Variants in MEGF11 observed in about 807,000 individuals in gnomAD.
The protein encoded by MEGF11 is multiple epidermal growth factor-like domains protein 11.
Under a neutral mutation model 146.6 loss-of-function variants are expected in MEGF11, and 126 were observed. The ratio of observed to expected loss-of-function variants is 0.86; its 90% confidence interval spans 0.74 to 1.00. The LOEUF (loss-of-function observed/expected upper bound fraction) is 1.00, where lower values mean the gene tolerates loss of function less well. MEGF11 is among the 50% of genes least tolerant of loss of function. The pLI, the probability that MEGF11 is intolerant of heterozygous loss-of-function variation, is 0.00. For synonymous variants in MEGF11, 532 were observed against 583.4 expected, an observed-to-expected ratio of 0.91 and a Z score of 1.27; for missense variants, 1,509 against 1,521.2, an observed-to-expected ratio of 0.99 and a Z score of 0.13.
At chr15:66,163,923 G>C (rs1326177716) in intron 1 of MEGF11, among the ~76,000 whole-genome samples, 1 of 152,170 alleles carries the variant, frequency 6.6e-6, no homozygotes, top group Non-Finnish European at 1.5e-5. Flanking sequence ...TGTGGGTGGA[G>C]GGCAAGAGAG....
In MEGF11 at chr15:66,045,946, T is replaced by C. The variant is rs1368686795; in HGVS notation, c.394+48456A>G. Among the ~76,000 whole-genome samples the C allele has an allele frequency of 2.0e-5, 3 of 152,056 alleles. No individual in the cohort carries two copies. The East Asian group carries it at 5.8e-4, about 30-fold the overall frequency. On this transcript the variant is annotated intron_variant, in intron 5 of 25. Transcript: ENST00000395614. The stretch of plus-strand genomic sequence containing the variant: ...GGTGAAATCCTGTCTCTACTAAAAA[T>C]ACAAAAATTAGCATGGTGTGGTGGT...
chr15:66,222,786 G>A (rs1194924559), intron 1 of MEGF11, among the ~76,000 whole-genome samples: 2 of 152,198 alleles, frequency 1.3e-5, no homozygotes, highest in Non-Finnish European at 2.9e-5. Flanking sequence ...ACCACTTTGA[G>A]ATAACTTCTT....
intron 1 of MEGF11, among the ~76,000 whole-genome samples, chr15:66,231,223 C>T (rs1189667956): frequency 2.0e-5 from 3 of 152,018 alleles, no homozygotes; most frequent in Admixed American, 2.0e-4. Context: ...ACTTCACACC[C>T]CAACCCCCAC....
intron 5 of MEGF11, among the ~76,000 whole-genome samples, chr15:66,080,543 C>A (rs2085804505): frequency 6.6e-6 from 1 of 152,210 alleles, no homozygotes; most frequent in Non-Finnish European, 1.5e-5. Context: ...CTATGCTCTC[C>A]TCATCTCTGA....
At chr15:66,219,325 T>C (rs1487407964) in intron 1 of MEGF11, among the ~76,000 whole-genome samples, 1 of 152,190 alleles carries the variant, frequency 6.6e-6, no homozygotes, top group African/African-American at 2.4e-5. Flanking sequence ...AAAGGACTTA[T>C]ATCCAGCTGC....
chr15:65,964,853 C>T (rs1224262361), intron 9 of MEGF11, 55 bp downstream of exon 9: 5 of 1,479,178 alleles, frequency 3.4e-6, no homozygotes, highest in East Asian at 2.5e-5. Context: ...CAAGCCTCCT[C>T]TCTACCTGAG....
chr15:66,148,697 C>T (rs2089458847), intron 1 of MEGF11, among the ~76,000 whole-genome samples: 1 of 152,220 alleles, frequency 6.6e-6, no homozygotes, highest in Non-Finnish European at 1.5e-5. Flanking sequence ...AGTCTCTCCA[C>T]ATCTGTCCTG....
chr15:66,073,562 A>T (rs2085456339), intron 5 of MEGF11, among the ~76,000 whole-genome samples: 1 of 152,150 alleles, frequency 6.6e-6, no homozygotes. Flanking sequence ...CCTTTCCAGG[A>T]TCTAACAGAT....
chr15:65,938,595 T>TG, intron 10 of MEGF11, among the ~76,000 whole-genome samples: 1 of 152,186 alleles, frequency 6.6e-6, no homozygotes, highest in East Asian at 1.9e-4. Flanking sequence ...ATGCTTCTGC[T>TG]GGGGATGCCT....
In MEGF11 at chr15:65,982,085, C is replaced by G. The variant is rs1459047805; in HGVS notation, c.641+157G>C. ...CCTCCTGGTCCCACCACCCAGCCCACCCACAAGGAGCCCAGGGCTGGGCGT... is the reference window on the plus strand; with the variant it reads ...CCTCCTGGTCCCACCACCCAGCCCAGCCACAAGGAGCCCAGGGCTGGGCGT... On this transcript the variant is annotated intron_variant, in intron 6 of 25. Transcript: ENST00000395614. This position sits in a 1 kb window ranked among gnomAD's most constrained non-coding sequence, Gnocchi z 5.6. Among the ~76,000 whole-genome samples the G allele has an allele frequency of 1.3e-5, 2 of 152,006 alleles. No homozygotes were observed. Among genetic ancestry groups the G allele is most frequent in the African/African-American group, 4.8e-5 (2 of 41,392 alleles).
rs779674680 is a variant in MEGF11 at position 65,930,864 on chromosome 15, C to G, written c.1367G>C (p.Gly456Ala). 2.5e-6 allele frequency: 4 copies of G among 1,611,290 alleles called. No individual in the cohort carries two copies. The highest frequency in any genetic ancestry group is 3.4e-6 in the Non-Finnish European group (4 of 1,178,698). Reference protein sequence around the residue: ...CSSICSCNNGGTCSPVDGSCT... With the variant: ...CSSICSCNNGATCSPVDGSCT... ...GGAGCCATCTACTGGGGAGCAGGTGCCACCATTGTTACAGCTACAGATGGA... is the reference window on the plus strand; with the variant it reads ...GGAGCCATCTACTGGGGAGCAGGTGGCACCATTGTTACAGCTACAGATGGA... Residue 456 changes from glycine (G) to alanine (A), a missense_variant, in exon 11 of 26, where the codon GGC becomes GCC. Transcript: ENST00000395614.
intron 5 of MEGF11, among the ~76,000 whole-genome samples, chr15:66,030,187 T>C (rs2083466442): frequency 6.6e-6 from 1 of 152,184 alleles, no homozygotes; most frequent in African/African-American, 2.4e-5. Flanking sequence ...CTGCAACTCA[T>C]ATGCTATGTA....
chr15:65,908,128 G>T (rs761960466), intron 23 of MEGF11, among the ~76,000 whole-genome samples: 14 of 152,204 alleles, frequency 9.2e-5, no homozygotes, highest in Non-Finnish European at 1.9e-4. Flanking sequence ...ACAGCCTCCT[G>T]AGTATAGGCC....
chr15:65,898,540 C>A, intron 25 of MEGF11, 188 bp downstream of exon 25: 1 of 985,214 alleles, frequency 1.0e-6, no homozygotes, highest in African/African-American at 1.7e-5. Context: ...AGAGTTGGTA[C>A]AATAATTTGA....
At chr15:66,132,843 C>T (rs2140978214) in intron 1 of MEGF11, among the ~76,000 whole-genome samples, 1 of 152,254 alleles carries the variant, frequency 6.6e-6, no homozygotes, top group Non-Finnish European at 1.5e-5. Context: ...GGATTATTTC[C>T]TTCCCCTTGT....
At chr15:66,158,833 C>T (rs941404999) in intron 1 of MEGF11, among the ~76,000 whole-genome samples, 1 of 152,216 alleles carries the variant, frequency 6.6e-6, no homozygotes, top group African/African-American at 2.4e-5. Flanking sequence ...CATGAACCCA[C>T]ATTTTAAAAC....
At chr15:66,108,105 TGA>T (rs1289205856) in intron 4 of MEGF11, among the ~76,000 whole-genome samples, 7 of 152,092 alleles carry the variant, frequency 4.6e-5, no homozygotes, top group African/African-American at 1.4e-4. Flanking sequence ...CCCCAGGGAA[TGA>T]GAGAATGTGG....
intron 8 of MEGF11, among the ~76,000 whole-genome samples, chr15:65,968,949 G>A (rs2081208314): frequency 6.6e-6 from 1 of 152,170 alleles, no homozygotes; most frequent in African/African-American, 2.4e-5. Context: ...ATTAATGGAG[G>A]CAATTTTACA....
chr15:66,051,203 G>T (rs766961212), intron 5 of MEGF11, among the ~76,000 whole-genome samples: 12 of 152,066 alleles, frequency 7.9e-5, no homozygotes, highest in Admixed American at 3.9e-4. Flanking sequence ...CCTTTTTGCA[G>T]ATGAAGAAAC....
Sources: allele counts gnomAD v4.1 joint callset (sites outside exome capture counted in the v4.1 genomes callset), GRCh38; gene constraint gnomAD v4.1.1; non-coding constraint Gnocchi (gnomAD v3.1); transcripts MANE v1.5; gene names NCBI Gene and HGNC (gene_info 2026-07-23, HGNC 2026-07-21).